The following KCND2 variants were observed in gnomAD, a reference collection of about 807,000 sequenced individuals.
The protein encoded by KCND2 is potassium voltage-gated channel subfamily D member 2, also known as A-type voltage-gated potassium channel KCND2.
In KCND2, 16 loss-of-function variants were observed where a neutral mutation model predicts 54.4. The ratio of observed to expected loss-of-function variants is 0.29; its 90% CI spans 0.20 to 0.45. KCND2 has a LOEUF of 0.45. Ranked by LOEUF, KCND2 falls within the 20% of genes least tolerant of loss-of-function variation. The pLI is 1.00. For synonymous variants in KCND2, 317 were observed against 310.7 expected (o/e 1.02, Z -0.21); for missense variants, 486 against 824.2 (o/e 0.59, Z 5.02).
chr7:120,548,697 C>T (rs1259510475), intron 1 of KCND2, among the ~76,000 whole-genome samples: 1 of 152,122 alleles, frequency 6.6e-6, no homozygotes, highest in East Asian at 1.9e-4. Context: ...TTGTAGCTTT[C>T]CCTCAGGAAG....
At chr7:120,277,434 A>G (rs552883390) in intron 1 of KCND2, among the ~76,000 whole-genome samples, 1 of 152,202 alleles carries the variant, frequency 6.6e-6, no homozygotes, top group South Asian at 2.1e-4. Flanking sequence ...CACCATCATG[A>G]CGTCAAATTA....
At chr7:120,326,146 AG>A (rs1799971274) in intron 1 of KCND2, among the ~76,000 whole-genome samples, 1 of 152,116 alleles carries the variant, frequency 6.6e-6, no homozygotes, top group South Asian at 2.1e-4. Context: ...GAGTAAATAT[AG>A]AACAGTTTGT....
intron 1 of KCND2, among the ~76,000 whole-genome samples, chr7:120,584,557 T>C (rs1792566859): frequency 1.3e-5 from 2 of 152,206 alleles, no homozygotes; most frequent in African/African-American, 4.8e-5. Context: ...ATGGGGAGCA[T>C]TATAAAGGGG....
intron 1 of KCND2, among the ~76,000 whole-genome samples, chr7:120,579,420 TG>T (rs957975954): frequency 1.3e-5 from 2 of 151,792 alleles, no homozygotes; most frequent in Non-Finnish European, 2.9e-5. Flanking sequence ...CTGGCCAACA[TG>T]GTGAAACCCA....
intron 1 of KCND2, among the ~76,000 whole-genome samples, chr7:120,420,490 A>T (rs1801596170): frequency 6.6e-6 from 1 of 152,188 alleles, no homozygotes; most frequent in African/African-American, 2.4e-5. Flanking sequence ...TTGAAAGAGC[A>T]GTTTTCTGGG....
intron 1 of KCND2, among the ~76,000 whole-genome samples, chr7:120,432,501 G>GCA (rs10574734): frequency 0.028 from 3,855 of 137,648 alleles, 131 homozygotes; most frequent in African/African-American, 0.11. Context: ...GTGAATACAC[G>GCA]CACACACACA....
At chr7:120,574,940 A>G (rs1392864137) in intron 1 of KCND2, among the ~76,000 whole-genome samples, 43 of 152,106 alleles carry the variant, frequency 2.8e-4, no homozygotes, top group Admixed American at 2.8e-3. Context: ...TTTCTTACTT[A>G]TAAATAAATA....
At chr7:120,699,840 A>G (rs1369982802) in intron 1 of KCND2, among the ~76,000 whole-genome samples, 1 of 152,206 alleles carries the variant, frequency 6.6e-6, no homozygotes, top group African/African-American at 2.4e-5. Flanking sequence ...AATTTCAGGT[A>G]ATAGAATGTA....
intron 1 of KCND2, among the ~76,000 whole-genome samples, chr7:120,393,385 A>G (rs1390299535): frequency 6.6e-6 from 1 of 152,006 alleles, no homozygotes; most frequent in African/African-American, 2.4e-5. Flanking sequence ...TAAACTCTTT[A>G]CTTTTAACTC....
At chr7:120,698,022 C>CTTTTTTTTTTTTTTT (rs35589294) in intron 1 of KCND2, among the ~76,000 whole-genome samples, 5 of 85,590 alleles carry the variant, frequency 5.8e-5, no homozygotes, top group Non-Finnish European at 6.4e-5. Flanking sequence ...TAGATTTGCC[C>CTTTTTTTTTTTTTTT]TTTTTTTTTT....
chr7:120,632,529 A>T (rs1793245817), intron 1 of KCND2, among the ~76,000 whole-genome samples: 2 of 152,182 alleles, frequency 1.3e-5, no homozygotes, highest in Non-Finnish European at 2.9e-5. Flanking sequence ...TTTACTACTG[A>T]TATATGATAG....
intron 1 of KCND2, among the ~76,000 whole-genome samples, chr7:120,489,035 ACT>A (rs1220673954): frequency 6.6e-6 from 1 of 152,012 alleles, no homozygotes; most frequent in African/African-American, 2.4e-5. Context: ...TAGAATTACC[ACT>A]CTGCTAGAAA....
At chr7:120,407,658 A>G (rs1163160571) in intron 1 of KCND2, among the ~76,000 whole-genome samples, 3 of 151,866 alleles carry the variant, frequency 2.0e-5, no homozygotes, top group Non-Finnish European at 4.4e-5. Context: ...ACAGTCTGGT[A>G]TGTAATAACT....
chr7:120,497,602 C>A (rs1802868913), intron 1 of KCND2, among the ~76,000 whole-genome samples: 1 of 152,176 alleles, frequency 6.6e-6, no homozygotes, highest in South Asian at 2.1e-4. Flanking sequence ...ACTTGGCCAT[C>A]CTAGGTCTAG....
intron 1 of KCND2, among the ~76,000 whole-genome samples, chr7:120,709,676 C>A (rs1421849061): frequency 6.6e-6 from 1 of 152,114 alleles, no homozygotes; most frequent in Non-Finnish European, 1.5e-5. Context: ...TCTTTGAATG[C>A]CAGACCTTCT....
intron 1 of KCND2, among the ~76,000 whole-genome samples, chr7:120,501,414 T>C (rs561355560): frequency 1.3e-5 from 2 of 152,026 alleles, no homozygotes; most frequent in Non-Finnish European, 2.9e-5. Flanking sequence ...GTGATTGAGG[T>C]TCCTGAGCAA....
At chr7:120,632,864 A>G (rs919915479) in intron 1 of KCND2, among the ~76,000 whole-genome samples, 1 of 152,300 alleles carries the variant, frequency 6.6e-6, no homozygotes, top group Non-Finnish European at 1.5e-5. Context: ...ACAAGCCAAC[A>G]TCTACCTCAT....
chr7:120,648,670 T>A (rs1288617467), intron 1 of KCND2, among the ~76,000 whole-genome samples: 1 of 152,240 alleles, frequency 6.6e-6, no homozygotes, highest in African/African-American at 2.4e-5. Flanking sequence ...TTGGTTGATT[T>A]TAAATTTCAG....
chr7:120,514,386 G>A (rs1028131987), intron 1 of KCND2, among the ~76,000 whole-genome samples: 5 of 151,970 alleles, frequency 3.3e-5, no homozygotes, highest in African/African-American at 4.8e-5. Context: ...CAGGTTTCTC[G>A]AAAACAGTAT....
Sources: gnomAD v4.1 joint callset for allele counts (sites outside exome capture counted in the v4.1 genomes callset) on GRCh38, gnomAD v4.1.1 for gene constraint, MANE v1.5 for transcripts, NCBI Gene and HGNC (gene_info 2026-07-23, HGNC 2026-07-21) for gene names.